Variants in TMEM67 observed in about 807,000 individuals in gnomAD.
TMEM67 encodes meckelin.
TMEM67 carries 124 observed loss-of-function variants against 136.6 expected under a neutral mutation model. That is an observed-to-expected ratio of 0.91 (90% CI 0.78 to 1.05). TMEM67 has a LOEUF of 1.05. Ranked by LOEUF, TMEM67 falls within the 50% of genes least tolerant of loss-of-function variation. The pLI is 0.00. For synonymous variants in TMEM67, 364 were observed against 390.5 expected, an observed-to-expected ratio of 0.93 and a Z score of 0.80; for missense variants, 1,107 against 1,178.4, an observed-to-expected ratio of 0.94 and a Z score of 0.89.
Position 93,758,543 on chromosome 8 carries a change from G to A in TMEM67, c.373G>A (p.Gly125Arg). ...TTGCCCTAGTGACTTAACTGCCGAA[G>A]GAAAATGTCACTGTCCCATTGGCCA... ...ISCPSDLTAE[G>R]KCHCPIGHIL... The change falls in exon 3 of 28, where the codon GGA becomes AGA. Residue 125 changes from glycine (G) to arginine (R), a missense_variant. Gly to Arg is a moderately radical substitution (Grantham distance 125, BLOSUM62 -2). Transcript: ENST00000453321. The A allele has an allele frequency of 6.2e-7, 1 of 1,613,944 alleles. No homozygotes were observed. Among genetic ancestry groups the A allele is most frequent in the South Asian group, 1.1e-5 (1 of 91,046 alleles).
chr8:93,788,748 G>C (rs751752806), intron 14 of TMEM67, among the ~76,000 whole-genome samples: 3 of 152,172 alleles, frequency 2.0e-5, no homozygotes, highest in Non-Finnish European at 4.4e-5. Flanking sequence ...AGAGGATGTA[G>C]TTTGGACCTG....
intron 7 of TMEM67, among the ~76,000 whole-genome samples, chr8:93,776,709 A>G (rs1454579454): frequency 1.3e-5 from 2 of 152,154 alleles, no homozygotes; most frequent in Admixed American, 1.3e-4. Context: ...AGTCAGCTTG[A>G]TCGTGTTGGA....
intron 11 of TMEM67, 96 bp from the exon 12 acceptor site, chr8:93,785,126 T>G (rs1231547816): frequency 1.2e-6 from 1 of 825,046 alleles, no homozygotes; most frequent in South Asian, 1.5e-5. Flanking sequence ...TAAATATGCT[T>G]GCTAATTTTC....
chr8:93,763,130 A>T (rs554411416), intron 3 of TMEM67: 1 of 257,310 alleles, frequency 3.9e-6, no homozygotes, highest in Non-Finnish European at 7.9e-6. Context: ...AGGTTTTGCC[A>T]TATTGGCCAG....
chr8:93,799,777 A>G lies in TMEM67; in HGVS notation c.2241+19A>G. The G allele has an allele frequency of 6.2e-7, 1 of 1,603,640 alleles. No homozygotes were observed. Among genetic ancestry groups the G allele is most frequent in the Non-Finnish European group, 8.5e-7 (1 of 1,170,932 alleles). On this transcript the variant is annotated intron_variant, in intron 21 of 27. Transcript: ENST00000453321. ...TATACAGGTAAGGAATTATACAGGTAATATTACTTCTAAGTAACATTGCTT... is the reference window on the plus strand; with the variant it reads ...TATACAGGTAAGGAATTATACAGGTGATATTACTTCTAAGTAACATTGCTT...
chr8:93,804,152 G>T (rs1414965692), intron 22 of TMEM67, among the ~76,000 whole-genome samples: 1 of 151,832 alleles, frequency 6.6e-6, no homozygotes, highest in African/African-American at 2.4e-5. Context: ...GATTACAGGT[G>T]TGAGCCACTG....
At chr8:93,798,153 T>G (rs1202667203) in intron 20 of TMEM67, among the ~76,000 whole-genome samples, 1 of 152,220 alleles carries the variant, frequency 6.6e-6, no homozygotes, top group Non-Finnish European at 1.5e-5. Flanking sequence ...ACCACCATTC[T>G]ATAATACTTT....
At chr8:93,803,481 G>T (rs1186567517) in intron 21 of TMEM67, 123 bp from the exon 22 acceptor site, 2 of 631,244 alleles carry the variant, frequency 3.2e-6, no homozygotes, top group Non-Finnish European at 5.8e-6. Flanking sequence ...TATCACATAG[G>T]AACTGTTAAA....
chr8:93,806,714 C>A (rs1197649724), intron 23 of TMEM67, among the ~76,000 whole-genome samples: 2 of 151,958 alleles, frequency 1.3e-5, no homozygotes, highest in Non-Finnish European at 2.9e-5. Context: ...AGCTGGATCA[C>A]TTGATTAAAC....
chr8:93,788,100 C>T (rs1814199928), intron 14 of TMEM67, 151 bp downstream of exon 14: 1 of 660,324 alleles, frequency 1.5e-6, no homozygotes, highest in East Asian at 2.7e-5. Context: ...TTATTCTTTA[C>T]TAATAATGGT....
chr8:93,809,373 G>T (rs1808601024), intron 25 of TMEM67, among the ~76,000 whole-genome samples: 1 of 152,102 alleles, frequency 6.6e-6, no homozygotes, highest in Admixed American at 6.5e-5. Flanking sequence ...ATGGCTTAGG[G>T]ATAGAATTAG....
At chr8:93,822,063 A>C (rs1256521106), downstream of TMEM67, among the ~76,000 whole-genome samples, 2 of 152,230 alleles carry the variant, frequency 1.3e-5, no homozygotes. Context: ...AAGAATGAAA[A>C]GGCAAACCTC....
chr8:93,762,887 G>A (rs947312460), intron 3 of TMEM67: 29 of 390,970 alleles, frequency 7.4e-5, no homozygotes, highest in Middle Eastern at 7.2e-4. Flanking sequence ...TTCAGTTAAC[G>A]GTATGCTCTG....
At chr8:93,816,159 A>T (rs1369484386) in intron 27 of TMEM67, among the ~76,000 whole-genome samples, 1 of 152,200 alleles carries the variant, frequency 6.6e-6, no homozygotes, top group African/African-American at 2.4e-5. Flanking sequence ...TGTATTATTA[A>T]TTCATAAGAA....
At chr8:93,781,598 A>G (rs1007184506) in intron 9 of TMEM67, 60 bp from the exon 10 acceptor site, 3 of 717,118 alleles carry the variant, frequency 4.2e-6, no homozygotes, top group East Asian at 2.7e-5. Flanking sequence ...AAATTTCTTT[A>G]TAGGATATTG....
At chr8:93,802,149 A>T (rs1814896751) in intron 21 of TMEM67, among the ~76,000 whole-genome samples, 1 of 152,200 alleles carries the variant, frequency 6.6e-6, no homozygotes, top group African/African-American at 2.4e-5. Context: ...CTGGAGTGGA[A>T]TGGTGGCTTA....
Position 93,799,729 on chromosome 8 carries a change from G to A in TMEM67, c.2212G>A (p.Ala738Thr). 1 of 1,613,738 alleles carries A rather than the reference G, an allele frequency of 6.2e-7. No individual in the cohort carries two copies. Among genetic ancestry groups the A allele is most frequent in the South Asian group, 1.1e-5 (1 of 91,062 alleles). Residue 738 changes from alanine (A) to threonine (T), a missense_variant, in exon 21 of 28, where the codon GCT (alanine) becomes ACT (threonine). Physicochemically the swap from Ala to Thr is moderately conservative, Grantham distance 58 (BLOSUM62 0). Transcript: ENST00000453321. ...CATTTTGAGATATGCAGTGTCTGCTGCTCTTTGGCTAGCCATTGGAATTAT... is the reference window on the plus strand; with the variant it reads ...CATTTTGAGATATGCAGTGTCTGCTACTCTTTGGCTAGCCATTGGAATTAT... ...SCILRYAVSA[A>T]LWLAIGIIQV... is the part of the protein sequence containing the mutation.
intron 27 of TMEM67, 35 bp from the exon 28 acceptor site, chr8:93,816,337 A>C (rs188660097): frequency 9.5e-7 from 1 of 1,056,266 alleles, no homozygotes; most frequent in Non-Finnish European, 1.4e-6. Context: ...TTCTGTTTAT[A>C]TTTCTTTTCA....
intron 6 of TMEM67, chr8:93,769,766 T>C (rs2130609714): frequency 6.2e-6 from 1 of 160,180 alleles, no homozygotes; most frequent in African/African-American, 2.4e-5. Flanking sequence ...TTAGATTAAT[T>C]GATAAACCAG....
Sources: gnomAD v4.1 joint callset for allele counts (sites outside exome capture counted in the v4.1 genomes callset) on GRCh38, gnomAD v4.1.1 for gene constraint, MANE v1.5 for transcripts, NCBI Gene and HGNC (gene_info 2026-07-23, HGNC 2026-07-21) for gene names.